The following BEND4 variants were observed in gnomAD, a reference collection of about 807,000 sequenced individuals.
The protein encoded by BEND4 is BEN domain containing 4.
A neutral mutation model predicts 54.7 loss-of-function variants in BEND4; 27 were observed. That is an observed-to-expected ratio of 0.49 (90% CI 0.36 to 0.68). The LOEUF (loss-of-function observed/expected upper bound fraction) is 0.68, where lower values mean the gene tolerates loss of function less well. BEND4 is among the 30% of genes least tolerant of loss of function. The probability of loss-of-function intolerance (pLI) is 0.00; values close to 1 mark genes in which losing one functional copy is unlikely to be tolerated. For synonymous variants in BEND4, 327 were observed against 299.5 expected, an observed-to-expected ratio of 1.09 and a Z score of -0.95; for missense variants, 702 against 697.2, an observed-to-expected ratio of 1.01 and a Z score of -0.08.
intron 1 of BEND4, 22 bp from the exon 2 acceptor site, chr4:42,152,398 A>T (rs1721339729): frequency 1.5e-5 from 4 of 258,436 alleles, no homozygotes; most frequent in Non-Finnish European, 2.9e-5. Context: ...AAGGAGGTAA[A>T]GAGCAAGTGT....
Position 42,112,425 on chromosome 4 carries a change from C to G in BEND4, c.*5093G>C, listed in dbSNP as rs941222513. The stretch of plus-strand genomic sequence containing the variant: ...ATAGTTTTCCAATGTGGCCAGGATA[C>G]ATCTGGCCACTTGTACTGGCCCAAT... On this transcript the variant is annotated 3_prime_UTR_variant, in exon 6 of 6. Transcript: ENST00000502486. 6.6e-6 allele frequency: 1 copy of G among 152,194 alleles called. No individual in the cohort carries two copies. Among genetic ancestry groups the G allele is most frequent in the African/African-American group, 2.4e-5 (1 of 41,442 alleles). The allele number at this position is 152,194 out of a possible 1,614,324, so 9.4% of individuals were successfully genotyped here.
intron 4 of BEND4, among the ~76,000 whole-genome samples, chr4:42,123,337 T>C (rs1013986149): frequency 6.6e-6 from 1 of 152,186 alleles, no homozygotes; most frequent in African/African-American, 2.4e-5. Context: ...TTTTGTAGAA[T>C]TCTGGTTGTA....
intron 3 of BEND4, among the ~76,000 whole-genome samples, chr4:42,131,373 T>C (rs1720503457): frequency 6.6e-6 from 1 of 152,296 alleles, no homozygotes; most frequent in Non-Finnish European, 1.5e-5. Context: ...TTAACGATAA[T>C]AGTTAACAAT....
At chr4:42,139,372 T>A (rs1426691055) in intron 3 of BEND4, among the ~76,000 whole-genome samples, 1 of 152,162 alleles carries the variant, frequency 6.6e-6, no homozygotes, top group African/African-American at 2.4e-5. Flanking sequence ...ATCAAAAGAC[T>A]GTGTTGGATA....
intron 2 of BEND4, among the ~76,000 whole-genome samples, chr4:42,147,784 G>A (rs532124302): frequency 3.3e-5 from 5 of 152,062 alleles, no homozygotes; most frequent in South Asian, 2.1e-4. Context: ...TGGGAAATTC[G>A]TCTGAATTTA....
intron 5 of BEND4, 139 bp from the exon 6 acceptor site, chr4:42,117,874 G>A: frequency 4.8e-6 from 3 of 627,816 alleles, no homozygotes; most frequent in Non-Finnish European, 8.3e-6. Context: ...GCAATGCCAT[G>A]ATGATGTCAC....
intron 3 of BEND4, among the ~76,000 whole-genome samples, chr4:42,143,219 C>G (rs1318411204): frequency 6.6e-6 from 1 of 152,192 alleles, no homozygotes; most frequent in Non-Finnish European, 1.5e-5. Context: ...AGTGGCTCCT[C>G]CTAAAATTTC....
rs747647162 is a variant in BEND4, at chr4:42,111,049, T to C, written c.*6469A>G. On this transcript the variant is annotated 3_prime_UTR_variant, in exon 6 of 6. Coordinates refer to ENST00000502486, the MANE Select transcript of BEND4 (RefSeq NM_207406.4). ...ACTCCAATTAGAACACCTGAAATAATTGGCTCTAGTAACAAATGTCTCTTA... is the reference window on the plus strand; with the variant it reads ...ACTCCAATTAGAACACCTGAAATAACTGGCTCTAGTAACAAATGTCTCTTA... 3.1e-4 allele frequency: 47 copies of C among 152,222 alleles called. No homozygotes were observed. Among genetic ancestry groups the C allele is most frequent in the Admixed American group, 1.0e-3 (16 of 15,282 alleles). 9.4% of individuals were successfully genotyped at this position (152,222 alleles called of 1,614,324 possible).
rs771898046 is a variant in BEND4, at chr4:42,143,854, C to T, written c.628G>A (p.Glu210Lys). The change falls in exon 3 of 6, where the codon GAA becomes AAA. Residue 210 changes from glutamate to lysine, a missense_variant. Coordinates refer to ENST00000502486, the MANE Select transcript of BEND4 (RefSeq NM_207406.4). ...CVKQEGSSYN[E>K]RQEHCHIGKG... The stretch of plus-strand genomic sequence containing the variant: ...CCAATGTGACAGTGCTCCTGTCTTT[C>T]GTTGTAACTTGAGCCTTCCTGCTTT... 1.9e-6 allele frequency: 3 copies of T among 1,558,778 alleles called. No individual in the cohort carries two copies. The East Asian group carries it at 6.7e-5, about 35-fold the overall frequency.
At chr4:42,142,622 G>C (rs1377223429) in intron 3 of BEND4, among the ~76,000 whole-genome samples, 1 of 133,968 alleles carries the variant, frequency 7.5e-6, no homozygotes, top group East Asian at 2.2e-4. Flanking sequence ...GACAGAGTGA[G>C]AGAGACTCCG....
intron 3 of BEND4, among the ~76,000 whole-genome samples, chr4:42,134,309 T>A (rs1297050535): frequency 6.6e-6 from 1 of 152,194 alleles, no homozygotes; most frequent in Non-Finnish European, 1.5e-5. Context: ...GGCAACTGAA[T>A]TATTTACTGT....
chr4:42,134,122 G>A (rs898326863), intron 3 of BEND4, among the ~76,000 whole-genome samples: 9 of 152,204 alleles, frequency 5.9e-5, no homozygotes, highest in African/African-American at 2.2e-4. Flanking sequence ...AAACTGCTCA[G>A]ATTCTGGTTT....
chr4:42,142,480 T>A (rs1720923199), intron 3 of BEND4, among the ~76,000 whole-genome samples: 1 of 148,192 alleles, frequency 6.7e-6, no homozygotes, highest in Non-Finnish European at 1.5e-5. Flanking sequence ...TATATATATA[T>A]AAACTTGCCA....
intron 3 of BEND4, among the ~76,000 whole-genome samples, chr4:42,137,175 T>C (rs909083111): frequency 2.0e-5 from 3 of 152,198 alleles, no homozygotes; most frequent in African/African-American, 4.8e-5. Context: ...AGGAATGATA[T>C]TAATATTTGC....
In BEND4 at chr4:42,151,963, G is replaced by A. The variant is rs1471300349; in HGVS notation, c.181C>T (p.Pro61Ser). ...HVRAPPPPPP[P>S]FAPHAAVSIS... ...GAGACGGCGGCGTGCGGCGCGAAGG[G>A]CGGCGGGGGCGGCGGGGGCGCCCGC... Residue 61 changes from proline (P) to serine (S), a missense_variant, in exon 2 of 6, where the codon CCC becomes TCC. By Grantham distance (74) the Pro-to-Ser change is moderately conservative. Transcript: ENST00000502486. 10 of 1,248,728 alleles carry A rather than the reference G, an allele frequency of 8.0e-6. No individual in the cohort carries two copies. Among genetic ancestry groups the A allele is most frequent in the Non-Finnish European group, 1.0e-5 (10 of 992,838 alleles). The allele number at this position is 1,248,728 out of a possible 1,614,324, so 77.4% of individuals were successfully genotyped here.
At chr4:42,119,264 A>T (rs1371186453) in intron 5 of BEND4, among the ~76,000 whole-genome samples, 1 of 152,128 alleles carries the variant, frequency 6.6e-6, no homozygotes, top group Non-Finnish European at 1.5e-5. Context: ...CTATTTCAGT[A>T]AATCAATATT....
chr4:42,148,258 T>C (rs1721146878), intron 2 of BEND4, among the ~76,000 whole-genome samples: 1 of 152,286 alleles, frequency 6.6e-6, no homozygotes, highest in Non-Finnish European at 1.5e-5. Context: ...TTTTAAAAAA[T>C]GCCATCCAAT....
intron 2 of BEND4, among the ~76,000 whole-genome samples, chr4:42,150,739 G>T (rs1178248505): frequency 6.6e-6 from 1 of 152,238 alleles, no homozygotes; most frequent in Non-Finnish European, 1.5e-5. Context: ...GCAGGCAGTG[G>T]GCTGCTTTGC....
Position 42,123,015 on chromosome 4 carries a change from T to C in BEND4, c.1146+2568A>G, listed in dbSNP as rs147163513. On this transcript the variant is annotated intron_variant, in intron 4 of 5. Transcript: ENST00000502486. ...AGCTTTCTCAAAACCTTTGAAAAAA[T>C]CCACTGAATGCAGCAGCTCTACATA... Among the ~76,000 whole-genome samples, 63 of 152,178 alleles carry C rather than the reference T, an allele frequency of 4.1e-4. No homozygotes were observed. The East Asian group carries it at 0.011, about 27-fold the overall frequency.
Sources: allele counts gnomAD v4.1 joint callset (sites outside exome capture counted in the v4.1 genomes callset), GRCh38; gene constraint gnomAD v4.1.1; transcripts MANE v1.5; gene names NCBI Gene and HGNC (gene_info 2026-07-23, HGNC 2026-07-21).